Variants in SYT17 observed in about 807,000 individuals in gnomAD.
SYT17 encodes synaptotagmin-17.
A neutral mutation model predicts 46.7 loss-of-function variants in SYT17; 22 were observed. That is an observed-to-expected ratio of 0.47 (90% confidence interval 0.34 to 0.67). The LOEUF (loss-of-function observed/expected upper bound fraction) is 0.67. SYT17 is among the 30% of genes least tolerant of loss of function. The pLI is 0.01. For synonymous variants in SYT17, 251 were observed against 248.4 expected (o/e 1.01, Z -0.10); for missense variants, 519 against 612.8 (o/e 0.85, Z 1.62).
chr16:19,176,543 A>G (rs1567197523), intron 3 of SYT17, among the ~76,000 whole-genome samples: 1 of 152,240 alleles, frequency 6.6e-6, no homozygotes, highest in Non-Finnish European at 1.5e-5. Flanking sequence ...TAGACAGTAA[A>G]TGAACGGGCA....
intron 7 of SYT17, among the ~76,000 whole-genome samples, chr16:19,232,636 G>C (rs1330910747): frequency 6.6e-6 from 1 of 152,084 alleles, no homozygotes; most frequent in Non-Finnish European, 1.5e-5. Flanking sequence ...TTTGAGACCA[G>C]CCTGGGCAGC....
At chr16:19,178,752 C>T (rs1964424304) in intron 3 of SYT17, among the ~76,000 whole-genome samples, 2 of 152,188 alleles carry the variant, frequency 1.3e-5, no homozygotes. Flanking sequence ...CATAAATCTA[C>T]AGCCATTATG....
intron 7 of SYT17, among the ~76,000 whole-genome samples, chr16:19,228,921 G>A (rs1966588131): frequency 6.6e-6 from 1 of 152,236 alleles, no homozygotes; most frequent in Non-Finnish European, 1.5e-5. Context: ...CCTGGTAAAA[G>A]CCTGTAATTA....
chr16:19,196,007 CA>C (rs1411384666), intron 5 of SYT17, among the ~76,000 whole-genome samples: 2 of 151,766 alleles, frequency 1.3e-5, no homozygotes, highest in African/African-American at 4.8e-5. Context: ...CCACCAAAAC[CA>C]AAAAGACTCA....
chr16:19,174,597 T>C (rs1437771812), intron 3 of SYT17, among the ~76,000 whole-genome samples: 1 of 152,204 alleles, frequency 6.6e-6, no homozygotes, highest in African/African-American at 2.4e-5. Flanking sequence ...TATCAAATAT[T>C]TCCATAGCAA....
At chr16:19,178,337 A>G (rs186020584) in intron 3 of SYT17, among the ~76,000 whole-genome samples, 5 of 151,910 alleles carry the variant, frequency 3.3e-5, no homozygotes, top group Admixed American at 1.3e-4. Context: ...CACCCGCCTC[A>G]GCCTCCCAAA....
At position 19,211,011 on chromosome 16, in the gene SYT17, C is replaced by T. The variant is rs115204550; in HGVS notation, c.952-12034C>T. 1,038 of 161,856 alleles carry T rather than the reference C, an allele frequency of 6.4e-3. 15 individuals carry two copies. Among genetic ancestry groups the T allele is most frequent in the African/African-American group, 0.023 (981 of 41,860 alleles). The allele number at this position is 161,856 out of a possible 1,614,324, so 10.0% of individuals were successfully genotyped here. On this transcript the variant is annotated intron_variant, in intron 5 of 7. Transcript: ENST00000355377. ...GAAATTAACTGTGTTGAAAGGCTGCCGGGAGAGAGAATTTTTGTCTGGGTA... is the reference window on the plus strand; with the variant it reads ...GAAATTAACTGTGTTGAAAGGCTGCTGGGAGAGAGAATTTTTGTCTGGGTA...
intron 5 of SYT17, among the ~76,000 whole-genome samples, chr16:19,207,408 C>A (rs1965713545): frequency 6.6e-6 from 1 of 152,068 alleles, no homozygotes. Flanking sequence ...GTTTAATTGA[C>A]TTACAGTTCT....
rs113132115 is a variant in SYT17, at chr16:19,234,729, T to G, written c.1228+9891T>G. ...CTTTTGTGTAAAGTGTAGCAATCAT[T>G]CTTTTTATGGGGGTTAAAGGCAAAT... On this transcript the variant is annotated intron_variant, in intron 7 of 7. Transcript: ENST00000355377. Among the ~76,000 whole-genome samples the G allele has an allele frequency of 6.1e-4, 93 of 152,326 alleles. 1 individual carries two copies. Among genetic ancestry groups the G allele is most frequent in the African/African-American group, 2.2e-3 (90 of 41,576 alleles).
At chr16:19,198,746 C>T (rs1474531192) in intron 5 of SYT17, among the ~76,000 whole-genome samples, 1 of 152,214 alleles carries the variant, frequency 6.6e-6, no homozygotes, top group Non-Finnish European at 1.5e-5. Context: ...CATAGTTAGG[C>T]TGTCATCTGA....
At chr16:19,170,602 AC>A (rs1567194714) in intron 1 of SYT17, 2 of 152,032 alleles carry the variant, frequency 1.3e-5, no homozygotes, top group African/African-American at 4.8e-5. Context: ...CTCATCTTGC[AC>A]CTGGGCTTTG....
At chr16:19,223,261 T>A in intron 6 of SYT17, 96 bp downstream of exon 6, 4 of 1,454,708 alleles carry the variant, frequency 2.7e-6, no homozygotes, top group South Asian at 1.3e-5. Flanking sequence ...TGGATGAGCA[T>A]TACTCATCTC....
At chr16:19,211,300 GA>G (rs1965890340) in intron 5 of SYT17, 2 of 652,792 alleles carry the variant, frequency 3.1e-6, no homozygotes, top group South Asian at 3.4e-5. Context: ...ACAGGGGGTG[GA>G]ACATCGTGCT....
chr16:19,226,309 A>G (rs1966493966), intron 7 of SYT17, among the ~76,000 whole-genome samples: 1 of 152,170 alleles, frequency 6.6e-6, no homozygotes. Context: ...ATCCTTTGAG[A>G]CATCCTTCTC....
intron 6 of SYT17, 41 bp downstream of exon 6, chr16:19,223,206 G>A: frequency 1.2e-6 from 2 of 1,603,140 alleles, no homozygotes; most frequent in South Asian, 2.2e-5. Context: ...TATTAATGGG[G>A]CATCTGTGTT....
intron 3 of SYT17, among the ~76,000 whole-genome samples, chr16:19,179,980 CA>C (rs1361868361): frequency 6.6e-6 from 1 of 152,078 alleles, no homozygotes; most frequent in South Asian, 2.1e-4. Flanking sequence ...GTTGAAATAC[CA>C]GGACACTTGT....
chr16:19,172,888 T>C (rs1964155287), intron 2 of SYT17, 111 bp downstream of exon 2: 4 of 1,334,330 alleles, frequency 3.0e-6, no homozygotes, highest in Non-Finnish European at 4.2e-6. Flanking sequence ...AACAATAACC[T>C]GGTGTTAATA....
At chr16:19,178,808 C>G (rs1964427891) in intron 3 of SYT17, among the ~76,000 whole-genome samples, 1 of 152,116 alleles carries the variant, frequency 6.6e-6, no homozygotes, top group African/African-American at 2.4e-5. Context: ...AACGACGTCA[C>G]CAGCTGTTTT....
intron 5 of SYT17, among the ~76,000 whole-genome samples, chr16:19,202,101 C>T (rs1965490288): frequency 6.6e-6 from 1 of 152,078 alleles, no homozygotes; most frequent in Non-Finnish European, 1.5e-5. Context: ...TGGTGTCCTT[C>T]AATTCAATTC....
Sources: allele counts gnomAD v4.1 joint callset (sites outside exome capture counted in the v4.1 genomes callset), GRCh38; gene constraint gnomAD v4.1.1; transcripts MANE v1.5; gene names NCBI Gene and HGNC (gene_info 2026-07-23, HGNC 2026-07-21).